Variants in PLCB1 observed in about 807,000 individuals in gnomAD.
The protein encoded by PLCB1 is phospholipase C beta 1.
Under a neutral mutation model 161.8 loss-of-function variants are expected in PLCB1, and 46 were observed. The ratio of observed to expected loss-of-function variants is 0.28; its 90% CI spans 0.22 to 0.36. PLCB1 has a LOEUF of 0.36. Ranked by LOEUF, PLCB1 falls within the 10% of genes least tolerant of loss-of-function variation. PLCB1 has a pLI of 1.00. For missense variants in PLCB1, 1,016 were observed against 1,472.5 expected, an observed-to-expected ratio of 0.69 and a Z score of 5.07; for synonymous variants, 517 against 503.7, an observed-to-expected ratio of 1.03 and a Z score of -0.35.
At chr20:8,438,262 A>T (rs1980397565) in intron 3 of PLCB1, among the ~76,000 whole-genome samples, 1 of 152,186 alleles carries the variant, frequency 6.6e-6, no homozygotes, top group Non-Finnish European at 1.5e-5. Context: ...CACACCATAT[A>T]AGCAAATAAT....
chr20:8,276,986 C>CTTATTATTATTA lies in PLCB1; in HGVS notation c.178-94378_178-94367dup, dbSNP rs59903648. On this transcript the variant is annotated intron_variant, in intron 2 of 31. Transcript: ENST00000338037. ...TCTTCTTCTTCTTCTTCTTCTTCTT[C>CTTATTATTATTA]TTATTATTATTATTATTATTATTAT... Among the ~76,000 whole-genome samples, 428 of 93,318 alleles carry CTTATTATTATTA rather than the reference C, an allele frequency of 4.6e-3. 6 individuals carry two copies. Among genetic ancestry groups the CTTATTATTATTA allele is most frequent in the East Asian group, 8.0e-3 (23 of 2,882 alleles). 61.2% of individuals were successfully genotyped at this position (93,318 alleles called of 152,430 possible).
intron 9 of PLCB1, among the ~76,000 whole-genome samples, chr20:8,661,465 C>G (rs1372246297): frequency 6.6e-6 from 1 of 152,054 alleles, no homozygotes; most frequent in Non-Finnish European, 1.5e-5. Context: ...TCAGTCACCC[C>G]AGGGGACTCC....
intron 3 of PLCB1, among the ~76,000 whole-genome samples, chr20:8,437,365 G>A (rs577397404): frequency 1.3e-5 from 2 of 152,286 alleles, no homozygotes; most frequent in South Asian, 2.1e-4. Context: ...TTACCTAATA[G>A]TACAGGAATA....
At chr20:8,293,397 G>T (rs986712147) in intron 2 of PLCB1, among the ~76,000 whole-genome samples, 1 of 152,052 alleles carries the variant, frequency 6.6e-6, no homozygotes, top group African/African-American at 2.4e-5. Flanking sequence ...GTATACCGGA[G>T]AATTATTTTA....
chr20:8,430,740 G>A (rs1177902604), intron 3 of PLCB1, among the ~76,000 whole-genome samples: 3 of 152,090 alleles, frequency 2.0e-5, no homozygotes, highest in African/African-American at 7.2e-5. Context: ...ATCACTTGAG[G>A]CCAGGAGTTT....
chr20:8,490,512 A>G (rs982321499), intron 3 of PLCB1, among the ~76,000 whole-genome samples: 1 of 152,202 alleles, frequency 6.6e-6, no homozygotes, highest in Non-Finnish European at 1.5e-5. Context: ...CAGGCTTTCT[A>G]TTTCTCATAG....
chr20:8,219,015 G>C (rs914521044), intron 2 of PLCB1, among the ~76,000 whole-genome samples: 6 of 152,066 alleles, frequency 3.9e-5, no homozygotes, highest in Non-Finnish European at 8.8e-5. Flanking sequence ...GATTTCCTTT[G>C]TTTTGTTAAG....
intron 3 of PLCB1, among the ~76,000 whole-genome samples, chr20:8,549,248 T>C (rs1985685567): frequency 1.3e-5 from 2 of 152,168 alleles, no homozygotes; most frequent in East Asian, 1.9e-4. Flanking sequence ...ACAGTTGATA[T>C]AGATGAAGTG....
Position 8,883,099 on chromosome 20 carries a change from T to C in PLCB1, c.*1250T>C, listed in dbSNP as rs1988053561. On this transcript the variant is annotated 3_prime_UTR_variant, in exon 32 of 32. Transcript: ENST00000338037. ...CAAACCGAAGTAGATTTAGAACTTA[T>C]ATGAATTTGATTTATATTTTGCAAG... is the stretch of plus-strand genomic sequence containing the variant. 6.6e-6 allele frequency: 1 copy of C among 152,430 alleles called. No homozygotes were observed. The highest frequency in any genetic ancestry group is 2.1e-4 in the South Asian group (1 of 4,830). 9.4% of individuals were successfully genotyped at this position (152,430 alleles called of 1,614,324 possible).
chr20:8,567,727 C>T (rs914956165), intron 3 of PLCB1, among the ~76,000 whole-genome samples: 4 of 152,058 alleles, frequency 2.6e-5, no homozygotes, highest in African/African-American at 4.8e-5. Flanking sequence ...TAGCAAGACT[C>T]CAACTCTAAA....
At chr20:8,535,276 A>T (rs181337749) in intron 3 of PLCB1, among the ~76,000 whole-genome samples, 2 of 150,892 alleles carry the variant, frequency 1.3e-5, no homozygotes, top group African/African-American at 2.4e-5. Context: ...TATATAGTTA[A>T]CATATACTAT....
chr20:8,862,439 T>C (rs557468547), intron 31 of PLCB1, among the ~76,000 whole-genome samples: 3 of 152,192 alleles, frequency 2.0e-5, no homozygotes, highest in Non-Finnish European at 4.4e-5. Flanking sequence ...AATAGCTTCA[T>C]AGCAGGTTAG....
intron 31 of PLCB1, among the ~76,000 whole-genome samples, chr20:8,848,457 C>G (rs1434620467): frequency 6.6e-6 from 1 of 152,082 alleles, no homozygotes; most frequent in Admixed American, 6.6e-5. Context: ...TATTCTAAAT[C>G]TACTTATTAA....
chr20:8,262,504 CAG>C (rs1229704748), intron 2 of PLCB1, among the ~76,000 whole-genome samples: 15 of 152,076 alleles, frequency 9.9e-5, no homozygotes, highest in Non-Finnish European at 2.1e-4. Context: ...GAAAGAGAAA[CAG>C]GGAGACATAG....
chr20:8,705,643 T>G (rs748095941), intron 11 of PLCB1, among the ~76,000 whole-genome samples: 22 of 152,172 alleles, frequency 1.4e-4, no homozygotes, highest in Non-Finnish European at 2.9e-4. Context: ...TACTCCCAAA[T>G]CAATGCAGTA....
intron 2 of PLCB1, among the ~76,000 whole-genome samples, chr20:8,252,489 A>G (rs1981199128): frequency 6.6e-6 from 1 of 152,010 alleles, no homozygotes; most frequent in South Asian, 2.1e-4. Flanking sequence ...AAAGTAGGTC[A>G]TATAAATTGG....
At chr20:8,372,588 C>T (rs1986939113) in intron 3 of PLCB1, among the ~76,000 whole-genome samples, 1 of 152,118 alleles carries the variant, frequency 6.6e-6, no homozygotes, top group Non-Finnish European at 1.5e-5. Context: ...TGAAACTAAT[C>T]TGTTATTTAC....
chr20:8,204,419 C>T (rs994524945), intron 2 of PLCB1, among the ~76,000 whole-genome samples: 10 of 152,028 alleles, frequency 6.6e-5, no homozygotes, highest in African/African-American at 2.4e-4. Context: ...TCTTCATAAG[C>T]ACCCTAGGTG....
intron 2 of PLCB1, among the ~76,000 whole-genome samples, chr20:8,215,021 C>G (rs903730672): frequency 6.6e-6 from 1 of 152,052 alleles, no homozygotes; most frequent in African/African-American, 2.4e-5. Flanking sequence ...TGAAAAAGTC[C>G]TTTTCCTTCT....
Sources: gnomAD v4.1 joint callset for allele counts (sites outside exome capture counted in the v4.1 genomes callset) on GRCh38, gnomAD v4.1.1 for gene constraint, MANE v1.5 for transcripts, NCBI Gene and HGNC (gene_info 2026-07-23, HGNC 2026-07-21) for gene names.